ATM: variants seen among roughly 807,000 people sequenced by gnomAD.
ATM encodes serine-protein kinase ATM.
In ATM, 308 loss-of-function variants were observed where a neutral mutation model predicts 387.0. That is an observed-to-expected ratio of 0.80 (90% confidence interval 0.73 to 0.87). The LOEUF is 0.87. Ranked by LOEUF, ATM falls within the 40% of genes least tolerant of loss-of-function variation. The pLI, the probability that ATM is intolerant of heterozygous loss-of-function variation, is 0.00. For missense variants in ATM, 3,312 were observed against 3,560.9 expected, an observed-to-expected ratio of 0.93 and a Z score of 1.78; for synonymous variants, 1,156 against 1,187.3, an observed-to-expected ratio of 0.97 and a Z score of 0.54.
chr11:108,295,038 G>A lies in ATM; in HGVS notation c.4888G>A (p.Asp1630Asn), dbSNP rs1555101921. The A allele has an allele frequency of 6.2e-7, 1 of 1,613,916 alleles. No homozygotes were observed. The highest frequency in any genetic ancestry group is 1.3e-5 in the African/African-American group (1 of 75,040). The change falls in exon 32 of 63, where the codon GAC (aspartate) becomes AAC (asparagine). Residue 1630 changes from aspartate (D) to asparagine (N), a missense_variant. By Grantham distance (23) the Asp-to-Asn change is conservative (BLOSUM62 1). Around this residue, in one of 4 missense-constraint regions of ATM, gnomAD observed 1,405 missense variants for 1,604.4 expected, o/e 0.88. Transcript: ENST00000675843. ...GGAACTACATAAAGATCAGATGGTGGACATTATGAGAGCTTCTCAGGGTGC... is the reference window on the plus strand; with the variant it reads ...GGAACTACATAAAGATCAGATGGTGAACATTATGAGAGCTTCTCAGGGTGC... ...QLELHKDQMVDIMRASQDNPQ... is the reference protein window; with the variant it reads ...QLELHKDQMVNIMRASQDNPQ...
chr11:108,281,132 GAA>G lies in ATM; in HGVS notation c.3542_3543del (p.Lys1181ArgfsTer18), dbSNP rs746598992. 6.2e-7 allele frequency: 1 copy of G among 1,614,000 alleles called. No individual in the cohort carries two copies. The highest frequency in any genetic ancestry group is 1.1e-5 in the South Asian group (1 of 91,078). ...QALFALCKSV[K>X]ENGLEPHLVK... is the part of the protein sequence containing the mutation. ...CTTTGTTTGCCCTGTGTAAATCTGT[GAA>G]AGAGAATGGATTAGAACCTCACCTT... On this transcript the variant is annotated frameshift_variant, in exon 24 of 63. Coordinates refer to ENST00000675843, the MANE Select transcript of ATM (RefSeq NM_000051.4). LOFTEE classifies it high-confidence loss of function.
At chr11:108,277,589 G>GC (rs2082013644) in intron 22 of ATM, among the ~76,000 whole-genome samples, 1 of 152,158 alleles carries the variant, frequency 6.6e-6, no homozygotes, top group Non-Finnish European at 1.5e-5. Flanking sequence ...TCACAGCATA[G>GC]CCCCTCACAG....
intron 16 of ATM, among the ~76,000 whole-genome samples, chr11:108,261,009 T>A (rs999376593): frequency 6.6e-6 from 1 of 152,084 alleles, no homozygotes; most frequent in African/African-American, 2.4e-5. Flanking sequence ...TCTCGCTGAT[T>A]GCTAGCACAG....
chr11:108,263,075 A>G (rs1389651847), intron 16 of ATM, among the ~76,000 whole-genome samples: 2 of 151,906 alleles, frequency 1.3e-5, no homozygotes, highest in Non-Finnish European at 2.9e-5. Context: ...AGACAGATCA[A>G]CGAGACAGAA....
At position 108,284,270 on chromosome 11, in the gene ATM, C is replaced by CATTTTGATGACTTCTA; in HGVS notation, c.3800_3801insCTTCTAATTTTGATGA (p.Glu1267AspfsTer3). On this transcript the variant is annotated stop_gained and frameshift_variant, in exon 26 of 63. Transcript: ENST00000675843. LOFTEE classifies it high-confidence loss of function. ...GATTCCACATCTGGTGATTAGAAGTCATTTTGATGAGGTGAAGTCCATTGC... is the reference window on the plus strand; with the variant it reads ...GATTCCACATCTGGTGATTAGAAGTCATTTTGATGACTTCTAATTTTGATGAGGTGAAGTCCATTGC... The CATTTTGATGACTTCTA allele has an allele frequency of 6.2e-7, 1 of 1,612,736 alleles. No homozygotes were observed. The highest frequency in any genetic ancestry group is 1.1e-5 in the South Asian group (1 of 90,974).
intron 5 of ATM, among the ~76,000 whole-genome samples, chr11:108,237,497 G>C (rs2079336327): frequency 6.6e-6 from 1 of 150,912 alleles, no homozygotes; most frequent in Non-Finnish European, 1.5e-5. Context: ...TTTTATTTAA[G>C]CTAACCTTTG....
intron 37 of ATM, among the ~76,000 whole-genome samples, 153 bp from the exon 38 acceptor site, chr11:108,307,744 G>C (rs576426783): frequency 6.6e-6 from 1 of 152,096 alleles, no homozygotes; most frequent in African/African-American, 2.4e-5. Context: ...AAAAGCAAAA[G>C]AAATCCTATT....
rs972348231 is a variant in ATM, at chr11:108,325,537, A to T, written c.6800A>T (p.Asn2267Ile). The T allele has an allele frequency of 3.1e-6, 5 of 1,598,760 alleles. No homozygotes were observed. Among genetic ancestry groups the T allele is most frequent in the Non-Finnish European group, 4.3e-6 (5 of 1,168,400 alleles). The change falls in exon 46 of 63, where the codon AAC becomes ATC. Residue 2267 changes from asparagine (N) to isoleucine (I), a missense_variant. By Grantham distance (149) the Asn-to-Ile change is moderately radical. Coordinates refer to ENST00000675843, the MANE Select transcript of ATM (RefSeq NM_000051.4). ...TCTATACTGGCCAGAACTTTCAAGA[A>T]CACTCAGGTAAATACAATTTAAAAC... Reference protein sequence around the residue: ...ELSILARTFKNTQLPERAIFQ... With the variant: ...ELSILARTFKITQLPERAIFQ...
intron 9 of ATM, 40 bp from the exon 10 acceptor site, chr11:108,250,661 A>G (rs2135313783): frequency 6.4e-7 from 1 of 1,569,446 alleles, no homozygotes; most frequent in Non-Finnish European, 8.7e-7. Flanking sequence ...TGTTAATGTG[A>G]TGGAATAGTT....
At chr11:108,269,241 C>G (rs1477999772) in intron 18 of ATM, among the ~76,000 whole-genome samples, 1 of 152,086 alleles carries the variant, frequency 6.6e-6, no homozygotes, top group African/African-American at 2.4e-5. Flanking sequence ...GGTGTGTAGT[C>G]TGTTTAGTCT....
chr11:108,308,254 A>T (rs1268317542), intron 38 of ATM, among the ~76,000 whole-genome samples: 5 of 152,166 alleles, frequency 3.3e-5, no homozygotes, highest in African/African-American at 1.2e-4. Context: ...AATTTATTTC[A>T]TCTATGTTAG....
At chr11:108,275,183 A>C (rs2081870194) in intron 22 of ATM, among the ~76,000 whole-genome samples, 1 of 151,732 alleles carries the variant, frequency 6.6e-6, no homozygotes, top group African/African-American at 2.4e-5. Flanking sequence ...TAGGATTGCA[A>C]CCCTTGCTTT....
chr11:108,298,290 C>G (rs1318903490), intron 33 of ATM, among the ~76,000 whole-genome samples: 3 of 152,228 alleles, frequency 2.0e-5, no homozygotes. Context: ...CTTTCTTCAA[C>G]AGCCTTAACT....
In ATM at chr11:108,280,962, T is replaced by A. The variant is rs778348672; in HGVS notation, c.3403-33T>A. Reference sequence around the variant, plus strand: ...AATTGATTGTTAAACATTTACATTTTACATTACATTTTTTTTTTAATTTCT... The same window carrying A: ...AATTGATTGTTAAACATTTACATTTAACATTACATTTTTTTTTTAATTTCT... On this transcript the variant is annotated intron_variant, in intron 23 of 62. Transcript: ENST00000675843. 6 of 1,548,980 alleles carry A rather than the reference T, an allele frequency of 3.9e-6. No individual in the cohort carries two copies. The Admixed American group carries it at 1.1e-4, about 28-fold the overall frequency.
intron 61 of ATM, among the ~76,000 whole-genome samples, chr11:108,363,174 C>T (rs1392903797): frequency 6.6e-6 from 1 of 152,260 alleles, no homozygotes; most frequent in Admixed American, 6.5e-5. Flanking sequence ...GGGTGCTTCT[C>T]AATTAGCATC....
chr11:108,334,341 T>C (rs552818021), intron 54 of ATM, among the ~76,000 whole-genome samples: 80 of 152,314 alleles, frequency 5.3e-4, no homozygotes, highest in Non-Finnish European at 9.1e-4. Context: ...GTAAAATGTA[T>C]TGGCTGTGAT....
At position 108,338,346 on chromosome 11, in the gene ATM, C is replaced by A. The variant is rs531953043; in HGVS notation, c.8268+2385C>A. Among the ~76,000 whole-genome samples, 5 of 152,180 alleles carry A rather than the reference C, an allele frequency of 3.3e-5. No homozygotes were observed. In the South Asian group the frequency reaches 1.0e-3, roughly 32 times the overall value. On this transcript the variant is annotated intron_variant, in intron 56 of 62. Transcript: ENST00000675843. ...CAGCCTGGGTGACAGACCGAGACTT[C>A]TTCTCAAAAAAGGAAAAATGTCTAG... is the stretch of plus-strand genomic sequence containing the variant.
chr11:108,235,935 T>C, intron 5 of ATM, 101 bp downstream of exon 5: 1 of 1,342,568 alleles, frequency 7.4e-7, no homozygotes, highest in South Asian at 1.2e-5. Flanking sequence ...CCAAGTGACC[T>C]GACAGTTTAA....
intron 44 of ATM, among the ~76,000 whole-genome samples, chr11:108,320,302 T>C (rs544954822): frequency 1.6e-4 from 24 of 152,360 alleles, no homozygotes; most frequent in Non-Finnish European, 3.1e-4. Flanking sequence ...CTTTGTTCTC[T>C]TCCTATACAA....
Sources: gnomAD v4.1 joint callset for allele counts (sites outside exome capture counted in the v4.1 genomes callset) on GRCh38, gnomAD v4.1.1 for gene constraint, gnomAD v4.1.1 regional missense constraint, MANE v1.5 for transcripts, NCBI Gene and HGNC (gene_info 2026-07-23, HGNC 2026-07-21) for gene names.